Variants in DGKH observed in about 807,000 individuals in gnomAD.
The protein encoded by DGKH is diacylglycerol kinase eta.
DGKH carries 90 observed loss-of-function variants against 159.3 expected under a neutral mutation model. The ratio of observed to expected loss-of-function variants is 0.57; its 90% confidence interval spans 0.48 to 0.67. The LOEUF (loss-of-function observed/expected upper bound fraction) is 0.67. Ranked by LOEUF, DGKH falls within the 30% of genes least tolerant of loss-of-function variation. DGKH has a pLI of 0.00. For synonymous variants in DGKH, 536 were observed against 553.8 expected, an observed-to-expected ratio of 0.97 and a Z score of 0.45; for missense variants, 1,181 against 1,506.1, an observed-to-expected ratio of 0.78 and a Z score of 3.57.
intron 1 of DGKH, among the ~76,000 whole-genome samples, chr13:42,089,338 A>G (rs1442128003): frequency 6.6e-6 from 1 of 152,230 alleles, no homozygotes; most frequent in African/African-American, 2.4e-5. Context: ...AAGATAGGCC[A>G]TATTCTAGAT....
chr13:42,045,609 T>C (rs576637801), upstream of DGKH, among the ~76,000 whole-genome samples: 2 of 152,242 alleles, frequency 1.3e-5, no homozygotes, highest in Non-Finnish European at 2.9e-5. Context: ...GAATGTTAAA[T>C]TCTTAATATG....
intron 1 of DGKH, among the ~76,000 whole-genome samples, chr13:42,081,386 C>T (rs1008439449): frequency 3.3e-5 from 5 of 152,082 alleles, no homozygotes; most frequent in South Asian, 2.1e-4. Context: ...TGCACCACCA[C>T]GCCTGGCTAA....
At chr13:42,207,317 G>A (rs1316828489) in intron 21 of DGKH, among the ~76,000 whole-genome samples, 3 of 150,962 alleles carry the variant, frequency 2.0e-5, no homozygotes, top group Admixed American at 6.7e-5. Flanking sequence ...AGCCTCCTGG[G>A]TAGCTGGGAC....
intron 11 of DGKH, among the ~76,000 whole-genome samples, chr13:42,173,659 T>G (rs1239214442): frequency 6.6e-6 from 1 of 152,206 alleles, no homozygotes; most frequent in African/African-American, 2.4e-5. Context: ...ATTAGTAATT[T>G]ATAACCTAGT....
intron 16 of DGKH, 104 bp from the exon 17 acceptor site, chr13:42,194,781 T>C: frequency 7.6e-7 from 1 of 1,315,654 alleles, no homozygotes; most frequent in South Asian, 1.6e-5. Context: ...TTTTCATTTC[T>C]ACTGATTGAT....
chr13:42,202,828 A>G (rs1957379211), intron 20 of DGKH, among the ~76,000 whole-genome samples: 1 of 152,238 alleles, frequency 6.6e-6, no homozygotes, highest in Admixed American at 6.5e-5. Context: ...TTAAAATTCC[A>G]AACATTTTTT....
At chr13:42,069,068 T>C (rs548584058) in intron 1 of DGKH, 20 of 1,421,718 alleles carry the variant, frequency 1.4e-5, no homozygotes, top group Non-Finnish European at 2.0e-5. Flanking sequence ...GGGATGCCTA[T>C]TGGGCTCGAG....
intron 11 of DGKH, among the ~76,000 whole-genome samples, chr13:42,171,245 C>T (rs1457401806): frequency 6.6e-6 from 1 of 152,176 alleles, no homozygotes; most frequent in Non-Finnish European, 1.5e-5. Context: ...GTTTAGGAGG[C>T]TTTCACATTA....
At chr13:42,135,663 C>T (rs1955390057) in intron 3 of DGKH, among the ~76,000 whole-genome samples, 1 of 151,928 alleles carries the variant, frequency 6.6e-6, no homozygotes, top group Non-Finnish European at 1.5e-5. Flanking sequence ...GCATGGTGTT[C>T]TGGAAGTTTC....
rs980874094 is a variant in DGKH, at chr13:42,236,986, T to C, written c.*7798T>C. The C allele has an allele frequency of 6.6e-6, 1 of 152,218 alleles. No homozygotes were observed. Among genetic ancestry groups the C allele is most frequent in the Non-Finnish European group, 1.5e-5 (1 of 68,036 alleles). The allele number at this position is 152,218 out of a possible 1,614,324, so 9.4% of individuals were successfully genotyped here. On this transcript the variant is annotated 3_prime_UTR_variant, in exon 30 of 30. Transcript: ENST00000337343. Reference sequence around the variant, plus strand: ...TTCCAGGGTGGATATTTTTAACATATGTTTGCATTTGGTTCTGGGATAGTA... The same window carrying C: ...TTCCAGGGTGGATATTTTTAACATACGTTTGCATTTGGTTCTGGGATAGTA...
rs115221619 is a variant in DGKH, at chr13:42,072,179, A to G, written c.192+23214A>G. ...GTAAGCAGGCATATTGAAATGCTGTATGACATAACCGCTCTTATCTTTGAG... is the reference window on the plus strand; with the variant it reads ...GTAAGCAGGCATATTGAAATGCTGTGTGACATAACCGCTCTTATCTTTGAG... On this transcript the variant is annotated intron_variant, in intron 1 of 29. Transcript: ENST00000337343. Among the ~76,000 whole-genome samples, 626 of 152,334 alleles carry G rather than the reference A, an allele frequency of 4.1e-3. 6 individuals carry two copies. Among genetic ancestry groups the G allele is most frequent in the African/African-American group, 0.014 (599 of 41,556 alleles).
chr13:42,212,713 T>G (rs1322814129), intron 24 of DGKH, among the ~76,000 whole-genome samples: 1 of 152,226 alleles, frequency 6.6e-6, no homozygotes, highest in Non-Finnish European at 1.5e-5. Flanking sequence ...TTTGAACCTC[T>G]TCTTAGGCTG....
At chr13:42,114,587 A>G (rs1173032754) in intron 1 of DGKH, among the ~76,000 whole-genome samples, 2 of 152,194 alleles carry the variant, frequency 1.3e-5, no homozygotes, top group African/African-American at 2.4e-5. Flanking sequence ...GTGGCATCCA[A>G]GTGGAGTTAT....
intron 1 of DGKH, among the ~76,000 whole-genome samples, chr13:42,103,830 G>C (rs941416714): frequency 6.6e-6 from 1 of 152,150 alleles, no homozygotes; most frequent in South Asian, 2.1e-4. Flanking sequence ...ATCAGGGTTC[G>C]GTTAGGAAGG....
chr13:42,245,672 G>A (rs191653080), downstream of DGKH, among the ~76,000 whole-genome samples: 446 of 151,876 alleles, frequency 2.9e-3, 11 homozygotes, highest in South Asian at 0.044. Flanking sequence ...TGCAACCACC[G>A]CCTCCCAGGT....
At chr13:42,045,469 C>T (rs1377431466), upstream of DGKH, among the ~76,000 whole-genome samples, 1 of 152,138 alleles carries the variant, frequency 6.6e-6, no homozygotes, top group East Asian at 1.9e-4. Flanking sequence ...TGCATTAGGT[C>T]TAGATGATGA....
At chr13:42,256,179 C>G (rs1177258137) in intron 30 of DGKH, 1 of 1,216,998 alleles carries the variant, frequency 8.2e-7, no homozygotes, top group Non-Finnish European at 1.2e-6. Context: ...AATCATGTTG[C>G]TGTAACAGTT....
chr13:42,227,608 G>A (rs551797799), intron 29 of DGKH, among the ~76,000 whole-genome samples: 6 of 152,276 alleles, frequency 3.9e-5, no homozygotes, highest in Non-Finnish European at 5.9e-5. Context: ...ACTTTTGCAC[G>A]TATTCAGGAA....
intron 21 of DGKH, among the ~76,000 whole-genome samples, chr13:42,207,103 T>TTC: frequency 7.3e-6 from 1 of 137,872 alleles, no homozygotes; most frequent in Non-Finnish European, 1.5e-5. Flanking sequence ...CTTTCTTTCT[T>TTC]TCTTTCTTTC....
Sources: gnomAD v4.1 joint callset for allele counts (sites outside exome capture counted in the v4.1 genomes callset) on GRCh38, gnomAD v4.1.1 for gene constraint, MANE v1.5 for transcripts, NCBI Gene and HGNC (gene_info 2026-07-23, HGNC 2026-07-21) for gene names.